The following PTPRD variants were observed in gnomAD, a reference collection of about 807,000 sequenced individuals.
PTPRD encodes the protein protein tyrosine phosphatase receptor type D, also known as receptor-type tyrosine-protein phosphatase delta.
Under a neutral mutation model 214.5 loss-of-function variants are expected in PTPRD, and 34 were observed. The ratio of observed to expected loss-of-function variants is 0.16; its 90% CI spans 0.12 to 0.21. PTPRD has a LOEUF of 0.21. Ranked by LOEUF, PTPRD falls within the 10% of genes least tolerant of loss-of-function variation. The pLI, the probability that PTPRD is intolerant of heterozygous loss-of-function variation, is 1.00. For missense variants in PTPRD, 2,545 were observed against 2,398.7 expected (o/e 1.06, Z -1.27); for synonymous variants, 1,128 against 845.7 (o/e 1.33, Z -5.79).
chr9:8,624,425 C>T (rs2095940570), intron 14 of PTPRD, among the ~76,000 whole-genome samples: 1 of 151,776 alleles, frequency 6.6e-6, no homozygotes, highest in African/African-American at 2.4e-5. Context: ...TTCACCCTCC[C>T]TTCCCTTCAC....
In PTPRD at chr9:10,376,355, C is replaced by T. The variant is rs187050936; in HGVS notation, c.-599-35338G>A. 3.3e-5 allele frequency among the ~76,000 whole-genome samples: 5 copies of T among 151,306 alleles called. No homozygotes were observed. In the East Asian group the frequency reaches 9.8e-4, roughly 30 times the overall value. On this transcript the variant is annotated intron_variant, in intron 2 of 45. Coordinates refer to ENST00000381196, the MANE Select transcript of PTPRD (RefSeq NM_002839.4). ...AACAGTTATGTACAGCATAAGAAAACTAGAGCAAAGGAAAAATTATAGAAC... is the reference window on the plus strand; with the variant it reads ...AACAGTTATGTACAGCATAAGAAAATTAGAGCAAAGGAAAAATTATAGAAC...
At chr9:10,559,164 A>G (rs1227494124) in intron 2 of PTPRD, among the ~76,000 whole-genome samples, 1 of 152,112 alleles carries the variant, frequency 6.6e-6, no homozygotes, top group Non-Finnish European at 1.5e-5. Flanking sequence ...AGATTTCTTA[A>G]AAGTTTTAAG....
At chr9:9,842,981 G>C (rs746815044) in intron 5 of PTPRD, among the ~76,000 whole-genome samples, 9 of 152,094 alleles carry the variant, frequency 5.9e-5, no homozygotes, top group Non-Finnish European at 1.0e-4. Context: ...AGTCTACACT[G>C]TAAGGCAGGA....
chr9:8,756,169 C>G (rs1027149465), intron 11 of PTPRD, among the ~76,000 whole-genome samples: 2 of 152,126 alleles, frequency 1.3e-5, no homozygotes, highest in African/African-American at 4.8e-5. Context: ...GATTCTAGAC[C>G]AACTTCAGCA....
At chr9:9,023,027 G>C (rs2099575066) in intron 10 of PTPRD, among the ~76,000 whole-genome samples, 1 of 152,082 alleles carries the variant, frequency 6.6e-6, no homozygotes, top group African/African-American at 2.4e-5. Flanking sequence ...GAACATTAGG[G>C]GATGTTTGGA....
chr9:9,091,793 G>A (rs2099776459), intron 10 of PTPRD, among the ~76,000 whole-genome samples: 1 of 152,156 alleles, frequency 6.6e-6, no homozygotes. Context: ...CTTTCAGGTT[G>A]GGGCAAATGG....
At chr9:10,171,649 T>C (rs1340741702) in intron 3 of PTPRD, among the ~76,000 whole-genome samples, 6 of 152,022 alleles carry the variant, frequency 3.9e-5, no homozygotes, top group East Asian at 1.9e-4. Flanking sequence ...CTCAGCCTCC[T>C]GAGTAGCTGG....
At chr9:10,201,021 T>C (rs146950996) in intron 3 of PTPRD, among the ~76,000 whole-genome samples, 153 of 152,194 alleles carry the variant, frequency 1.0e-3, no homozygotes, top group African/African-American at 3.6e-3. Context: ...GAAATCACAA[T>C]TATTCTAAAG....
At chr9:8,411,626 C>T (rs1286319942) in intron 35 of PTPRD, among the ~76,000 whole-genome samples, 1 of 152,114 alleles carries the variant, frequency 6.6e-6, no homozygotes, top group Non-Finnish European at 1.5e-5. Context: ...TTTTAATATG[C>T]CAAACATTTT....
At chr9:9,622,575 G>A (rs935661707) in intron 7 of PTPRD, among the ~76,000 whole-genome samples, 3 of 152,120 alleles carry the variant, frequency 2.0e-5, no homozygotes, top group Non-Finnish European at 4.4e-5. Context: ...TTCCCATGAA[G>A]CTTAGTACAA....
At chr9:8,506,886 T>C (rs2097552343) in intron 22 of PTPRD, among the ~76,000 whole-genome samples, 1 of 152,188 alleles carries the variant, frequency 6.6e-6, no homozygotes, top group African/African-American at 2.4e-5. Context: ...AAAATTCATC[T>C]AGCCAAGGAC....
intron 11 of PTPRD, among the ~76,000 whole-genome samples, chr9:8,931,225 T>G (rs2098950182): frequency 6.6e-6 from 1 of 152,032 alleles, no homozygotes; most frequent in South Asian, 2.1e-4. Flanking sequence ...GGGAATCCTT[T>G]CCCCATTTCT....
chr9:8,791,271 G>A (rs1436343849), intron 11 of PTPRD, among the ~76,000 whole-genome samples: 1 of 151,954 alleles, frequency 6.6e-6, no homozygotes, highest in Non-Finnish European at 1.5e-5. Flanking sequence ...TGTTGCCCAG[G>A]CTGGAGTGCA....
Position 8,831,384 on chromosome 9 carries a change from A to AT in PTPRD, c.-103-97439dup, listed in dbSNP as rs529723752. 3.9e-5 allele frequency among the ~76,000 whole-genome samples: 6 copies of AT among 152,312 alleles called. No homozygotes were observed. In the East Asian group the frequency reaches 1.2e-3, roughly 29 times the overall value. On this transcript the variant is annotated intron_variant, in intron 11 of 45. Transcript: ENST00000381196. ...ATCAAAATACACTTGGCTTGCTTCCATTACACCATTATGAAACTGCATTAG... is the reference window on the plus strand; with the variant it reads ...ATCAAAATACACTTGGCTTGCTTCCATTTACACCATTATGAAACTGCATTAG...
chr9:8,405,717 A>G (rs530154071), intron 35 of PTPRD, among the ~76,000 whole-genome samples: 8 of 152,320 alleles, frequency 5.3e-5, no homozygotes, highest in African/African-American at 1.9e-4. Flanking sequence ...GTTTTCAAGA[A>G]TGATAAAACA....
Position 8,700,059 on chromosome 9 carries a change from T to C in PTPRD, c.64+33721A>G, listed in dbSNP as rs114898012. ...AGCAATTTCTGAACAGTGGTACAAC[T>C]GCCAGTAATCAATGGTTTTTTAAAT... On this transcript the variant is annotated intron_variant, in intron 12 of 45. Coordinates refer to ENST00000381196, the MANE Select transcript of PTPRD (RefSeq NM_002839.4). Among the ~76,000 whole-genome samples the C allele has an allele frequency of 2.8e-3, 419 of 152,310 alleles. 2 individuals carry two copies. Among genetic ancestry groups the C allele is most frequent in the African/African-American group, 9.6e-3 (400 of 41,584 alleles).
intron 10 of PTPRD, among the ~76,000 whole-genome samples, chr9:9,047,714 G>C (rs2099675683): frequency 6.6e-6 from 1 of 151,974 alleles, no homozygotes; most frequent in Admixed American, 6.6e-5. Flanking sequence ...AATTAATCTA[G>C]ACCCATATCT....
chr9:8,375,785 G>C (rs2083063464), intron 39 of PTPRD, 151 bp downstream of exon 39: 1 of 776,978 alleles, frequency 1.3e-6, no homozygotes, highest in South Asian at 2.5e-5. Context: ...CCATCCTATT[G>C]ATGTTAGCAT....
At chr9:9,716,267 G>C (rs2097828150) in intron 7 of PTPRD, among the ~76,000 whole-genome samples, 1 of 151,948 alleles carries the variant, frequency 6.6e-6, no homozygotes, top group African/African-American at 2.4e-5. Flanking sequence ...TGGACATTTG[G>C]GTTGGTTTCA....
Sources: allele counts gnomAD v4.1 joint callset (sites outside exome capture counted in the v4.1 genomes callset), GRCh38; gene constraint gnomAD v4.1.1; transcripts MANE v1.5; gene names NCBI Gene and HGNC (gene_info 2026-07-23, HGNC 2026-07-21).